Variants in PRKG1 observed in about 807,000 individuals in gnomAD.
PRKG1 encodes protein kinase cGMP-dependent 1.
In PRKG1, 35 loss-of-function variants were observed where a neutral mutation model predicts 88.1. The ratio of observed to expected loss-of-function variants is 0.40; its 90% CI spans 0.30 to 0.53. PRKG1 has a LOEUF of 0.53. Among genes scored for constraint, PRKG1 ranks in the 20% least tolerant of loss-of-function variants. PRKG1 has a pLI of 0.59. For missense variants in PRKG1, 540 were observed against 839.8 expected (o/e 0.64, Z 4.41); for synonymous variants, 303 against 292.5 (o/e 1.04, Z -0.37).
At chr10:51,938,389 G>A (rs975632339) in intron 5 of PRKG1, among the ~76,000 whole-genome samples, 1 of 151,902 alleles carries the variant, frequency 6.6e-6, no homozygotes, top group African/African-American at 2.4e-5. Context: ...ACAGCCACTG[G>A]GGATCTTGCA....
intron 2 of PRKG1, among the ~76,000 whole-genome samples, chr10:51,186,330 A>G (rs994662565): frequency 3.3e-5 from 5 of 150,678 alleles, no homozygotes; most frequent in African/African-American, 1.2e-4. Flanking sequence ...AACACATTTC[A>G]TGGTGTTTTG....
chr10:51,647,679 G>A (rs1839946830), intron 3 of PRKG1, among the ~76,000 whole-genome samples: 4 of 151,936 alleles, frequency 2.6e-5, no homozygotes, highest in South Asian at 2.1e-4. Flanking sequence ...AACCTTTCTC[G>A]TTGTTGATTT....
At chr10:52,283,376 G>A (rs561585078) in intron 14 of PRKG1, among the ~76,000 whole-genome samples, 3 of 152,174 alleles carry the variant, frequency 2.0e-5, no homozygotes, top group Non-Finnish European at 2.9e-5. Context: ...AGTCACTACA[G>A]TGAACATGAG....
At chr10:51,188,750 T>A (rs1344239637) in intron 2 of PRKG1, among the ~76,000 whole-genome samples, 2 of 152,012 alleles carry the variant, frequency 1.3e-5, no homozygotes, top group East Asian at 1.9e-4. Context: ...CCCCAGAGGA[T>A]AAGTTTGTGT....
At chr10:51,704,435 C>T (rs895098840) in intron 3 of PRKG1, among the ~76,000 whole-genome samples, 1 of 152,148 alleles carries the variant, frequency 6.6e-6, no homozygotes, top group African/African-American at 2.4e-5. Context: ...CATTGAATAA[C>T]GTGCCTCAAA....
Position 50,991,267 on chromosome 10 carries a change from A to C in PRKG1, c.-112A>C. 7.1e-7 allele frequency: 1 copy of C among 1,416,276 alleles called. No individual in the cohort carries two copies. The highest frequency in any genetic ancestry group is 9.3e-7 in the Non-Finnish European group (1 of 1,076,926). The allele number at this position is 1,416,276 out of a possible 1,614,324, so 87.7% of individuals were successfully genotyped here. ...CGCCGCGCTCGAGTACTTAGCGCCC[A>C]TTCACTCGCTCACCCGCGCTCTCCG... On this transcript the variant is annotated 5_prime_UTR_variant, in exon 1 of 18. Coordinates refer to the PRKG1 transcript ENST00000401604. The surrounding 1 kb of genome is among the most constrained non-coding windows in gnomAD (Gnocchi z 4.5).
intron 1 of PRKG1, among the ~76,000 whole-genome samples, chr10:51,141,183 C>T (rs998639983): frequency 1.4e-4 from 22 of 152,176 alleles, no homozygotes; most frequent in Admixed American, 1.4e-3. Flanking sequence ...TAGCTGGAGG[C>T]CTTCACACAG....
intron 3 of PRKG1, among the ~76,000 whole-genome samples, chr10:51,728,469 T>G (rs1388857181): frequency 1.3e-5 from 2 of 149,138 alleles, no homozygotes; most frequent in African/African-American, 4.9e-5. Flanking sequence ...TTTTTTTTTT[T>G]TTTTTTTTTT....
rs147919372 is a variant in PRKG1 at position 51,470,400 on chromosome 10, A to G, written c.592+2564A>G. On this transcript the variant is annotated intron_variant, in intron 3 of 17. Transcript: ENST00000373980. The stretch of plus-strand genomic sequence containing the variant: ...TATTTTTCTACACAATAGCTGACCT[A>G]TCCATGCTTCTTCTTTCTTACATAC... Among the ~76,000 whole-genome samples, 7 of 151,892 alleles carry G rather than the reference A, an allele frequency of 4.6e-5. No individual in the cohort carries two copies. In the East Asian group the frequency reaches 7.8e-4, roughly 17 times the overall value.
chr10:51,136,662 T>G (rs1845692592), intron 1 of PRKG1, among the ~76,000 whole-genome samples: 1 of 151,702 alleles, frequency 6.6e-6, no homozygotes, highest in South Asian at 2.1e-4. Flanking sequence ...ATAGCAAAAT[T>G]ATGTCATATA....
At chr10:51,060,576 A>C (rs1843681203) in intron 1 of PRKG1, among the ~76,000 whole-genome samples, 1 of 152,160 alleles carries the variant, frequency 6.6e-6, no homozygotes, top group Non-Finnish European at 1.5e-5. Context: ...GAAATGACCT[A>C]ACAACATTCA....
At chr10:51,310,747 T>C (rs1008420021) in intron 2 of PRKG1, among the ~76,000 whole-genome samples, 10 of 152,206 alleles carry the variant, frequency 6.6e-5, no homozygotes, top group Non-Finnish European at 8.8e-5. Context: ...TTCAGCTAGT[T>C]GTAAGGATAC....
intron 2 of PRKG1, among the ~76,000 whole-genome samples, chr10:51,421,090 C>G (rs932045373): frequency 6.6e-6 from 1 of 152,200 alleles, no homozygotes; most frequent in Non-Finnish European, 1.5e-5. Flanking sequence ...TATCACAAGT[C>G]TTTGTTGAAG....
intron 2 of PRKG1, among the ~76,000 whole-genome samples, chr10:51,457,020 C>T (rs1294550624): frequency 2.0e-5 from 3 of 152,146 alleles, no homozygotes; most frequent in Admixed American, 6.5e-5. Context: ...CTATGGAAAA[C>T]AGTATGGGGA....
At chr10:51,887,747 T>C (rs1305180141) in intron 4 of PRKG1, among the ~76,000 whole-genome samples, 3 of 152,232 alleles carry the variant, frequency 2.0e-5, no homozygotes, top group African/African-American at 7.2e-5. Context: ...TTTATATATG[T>C]ATTCAAGTCT....
chr10:52,056,973 A>G (rs927366221), intron 6 of PRKG1, among the ~76,000 whole-genome samples: 1 of 152,142 alleles, frequency 6.6e-6, no homozygotes, highest in Non-Finnish European at 1.5e-5. Flanking sequence ...GAGCAGGCAA[A>G]TAAGTTGTGG....
At chr10:51,774,145 C>A (rs934493639) in intron 3 of PRKG1, among the ~76,000 whole-genome samples, 1 of 151,994 alleles carries the variant, frequency 6.6e-6, no homozygotes, top group African/African-American at 2.4e-5. Context: ...ATTAAGCACC[C>A]ATTTACTACC....
intron 3 of PRKG1, among the ~76,000 whole-genome samples, chr10:51,781,041 A>G (rs1404661956): frequency 1.3e-5 from 2 of 152,160 alleles, no homozygotes; most frequent in African/African-American, 4.8e-5. Context: ...CGTATTGGGA[A>G]AGAAATGTCT....
chr10:51,422,030 G>A (rs1366875241), intron 2 of PRKG1, among the ~76,000 whole-genome samples: 1 of 152,166 alleles, frequency 6.6e-6, no homozygotes, highest in African/African-American at 2.4e-5. Context: ...TCTATTTATA[G>A]AGTGTTTGCT....
Sources: gnomAD v4.1 joint callset for allele counts (sites outside exome capture counted in the v4.1 genomes callset) on GRCh38, gnomAD v4.1.1 for gene constraint, Gnocchi (gnomAD v3.1) non-coding constraint, MANE v1.5 for transcripts, NCBI Gene and HGNC (gene_info 2026-07-23, HGNC 2026-07-21) for gene names.